VPS33A: variants seen among roughly 807,000 people sequenced by gnomAD.
VPS33A encodes the protein VPS33A core subunit of CORVET and HOPS complexes, also known as vacuolar protein sorting-associated protein 33A.
Under a neutral mutation model 71.8 loss-of-function variants are expected in VPS33A, and 32 were observed. That is an observed-to-expected ratio of 0.45 (90% confidence interval 0.34 to 0.60). The LOEUF (loss-of-function observed/expected upper bound fraction) is 0.60. VPS33A is among the 20% of genes least tolerant of loss of function. The probability of loss-of-function intolerance (pLI) is 0.02; values close to 1 mark genes in which losing one functional copy is unlikely to be tolerated. For synonymous variants in VPS33A, 311 were observed against 292.7 expected (o/e 1.06, Z -0.64); for missense variants, 625 against 748.5 (o/e 0.84, Z 1.92).
chr12:122,239,373 G>A (rs1954677760), intron 9 of VPS33A, among the ~76,000 whole-genome samples: 1 of 152,140 alleles, frequency 6.6e-6, no homozygotes, highest in Admixed American at 6.6e-5. Flanking sequence ...AAAGTGTCTT[G>A]CACAGAATAA....
chr12:122,247,080 A>C (rs1020864606), intron 6 of VPS33A, among the ~76,000 whole-genome samples: 8 of 152,210 alleles, frequency 5.3e-5, no homozygotes, highest in South Asian at 4.1e-4. Flanking sequence ...CAATATTAAC[A>C]GTGGTTGTCC....
In VPS33A at chr12:122,232,313, A is replaced by G. The variant is rs374700952; in HGVS notation, c.1724T>C (p.Val575Ala). 3 of 1,614,084 alleles carry G rather than the reference A, an allele frequency of 1.9e-6. No individual in the cohort carries two copies. In the African/African-American group the frequency reaches 4.0e-5, roughly 22 times the overall value. The change falls in exon 13 of 13, where the codon GTC (valine) becomes GCC (alanine). Residue 575 changes from valine (V) to alanine (A), a missense_variant. Physicochemically the swap from Val to Ala is moderately conservative, Grantham distance 64. Transcript: ENST00000267199. ...SQLEDGGTEY[V>A]IATTKLMNGT... is the part of the protein sequence containing the mutation. ...ATTCATTAGTTTAGTGGTGGCAATGACATATTCTGTACCTCCATCTTCCAA... is the reference window on the plus strand; with the variant it reads ...ATTCATTAGTTTAGTGGTGGCAATGGCATATTCTGTACCTCCATCTTCCAA...
In VPS33A at chr12:122,251,038, A is replaced by G; in HGVS notation, c.545T>C (p.Leu182Pro). 4 of 1,614,144 alleles carry G rather than the reference A, an allele frequency of 2.5e-6. No homozygotes were observed. Among genetic ancestry groups the G allele is most frequent in the Non-Finnish European group, 3.4e-6 (4 of 1,180,018 alleles). ...GGGGATCGTTCCATACAGAGCTTGC[A>G]GGGTCATCAGCCCCTTGGCTGCGTG... Reference protein sequence around the residue: ...LYHAAKGLMTLQALYGTIPQI... With the variant: ...LYHAAKGLMTPQALYGTIPQI... The change falls in exon 5 of 13, where the codon CTG (leucine) becomes CCG (proline). Residue 182 changes from leucine (L) to proline (P), a missense_variant. Physicochemically the swap from Leu to Pro is moderately conservative, Grantham distance 98 (BLOSUM62 -3). Transcript: ENST00000267199.
rs1327864397 is a variant in VPS33A at position 122,232,100 on chromosome 12, G to T, written c.*146C>A. On this transcript the variant is annotated 3_prime_UTR_variant, in exon 13 of 13. Coordinates refer to ENST00000267199, the MANE Select transcript of VPS33A (RefSeq NM_022916.6). ...GAATACAAAAGAGACGGAGAAAGCA[G>T]TAAACAGTAGTATAATTTAAGAAGC... 2.8e-6 allele frequency: 2 copies of T among 725,626 alleles called. No homozygotes were observed. The highest frequency in any genetic ancestry group is 4.3e-6 in the Non-Finnish European group (2 of 462,786). 44.9% of individuals were successfully genotyped at this position (725,626 alleles called of 1,614,324 possible).
intron 8 of VPS33A, among the ~76,000 whole-genome samples, chr12:122,240,517 A>G (rs1954699929): frequency 2.0e-5 from 3 of 152,356 alleles, no homozygotes; most frequent in Non-Finnish European, 4.4e-5. Context: ...AATGAGCGTC[A>G]GTATGAATGA....
rs139257467 is a variant in VPS33A, at chr12:122,256,929, T to C, written c.483+4332A>G. On this transcript the variant is annotated intron_variant, in intron 4 of 12. Transcript: ENST00000267199. ...AAATGAGAATAAACAAGTATTGCCA[T>C]ACGTGGTAGAAAATGACTCAGAGAT... Among the ~76,000 whole-genome samples, 144 of 152,282 alleles carry C rather than the reference T, an allele frequency of 9.5e-4. 1 individual carries two copies. The highest frequency in any genetic ancestry group is 3.3e-3 in the African/African-American group (137 of 41,514).
chr12:122,231,739 G>T lies in VPS33A; in HGVS notation c.*507C>A. The T allele has an allele frequency of 5.5e-6, 1 of 180,218 alleles. No individual in the cohort carries two copies. 11.2% of individuals were successfully genotyped at this position (180,218 alleles called of 1,614,324 possible). On this transcript the variant is annotated 3_prime_UTR_variant, in exon 13 of 13. Transcript: ENST00000267199. ...AACCAGTGCTGCTTTTACTCAGGTT[G>T]ATTTTCTTCTATTCTTCTTTCTTCA...
At chr12:122,262,997 T>TC (rs1322580090) in intron 3 of VPS33A, among the ~76,000 whole-genome samples, 1 of 150,074 alleles carries the variant, frequency 6.7e-6, no homozygotes, top group Non-Finnish European at 1.5e-5. Context: ...CACTCTTTTT[T>TC]TTTTTTTTTT....
Position 122,262,822 on chromosome 12 carries a change from CCTCT to C in VPS33A, c.296+746_296+749del, listed in dbSNP as rs759912953. On this transcript the variant is annotated intron_variant, in intron 3 of 12. Transcript: ENST00000267199. ...GACAACAACTTCCTAAGTTTCTCATCCTCTCTATTTTTAATTTTTGGGGGGTACA... is the reference window on the plus strand; with the variant it reads ...GACAACAACTTCCTAAGTTTCTCATCCTATTTTTAATTTTTGGGGGGTACA... Among the ~76,000 whole-genome samples the C allele has an allele frequency of 1.0e-3, 152 of 151,916 alleles. 1 individual carries two copies. The highest frequency in any genetic ancestry group is 3.5e-3 in the Admixed American group (53 of 15,234).
At chr12:122,243,501 A>T (rs1356932979) in intron 7 of VPS33A, among the ~76,000 whole-genome samples, 1 of 152,222 alleles carries the variant, frequency 6.6e-6, no homozygotes, top group Non-Finnish European at 1.5e-5. Flanking sequence ...AGCCTCCGAC[A>T]GTGCCGGGAT....
intron 3 of VPS33A, among the ~76,000 whole-genome samples, chr12:122,262,284 G>C (rs1955005540): frequency 6.6e-6 from 1 of 152,182 alleles, no homozygotes; most frequent in African/African-American, 2.4e-5. Flanking sequence ...GCATCACTGA[G>C]TCCTGGCGAG....
chr12:122,241,490 A>T (rs957528537), intron 8 of VPS33A, among the ~76,000 whole-genome samples: 3 of 152,096 alleles, frequency 2.0e-5, no homozygotes, highest in African/African-American at 4.8e-5. Flanking sequence ...TTTTTAGTAC[A>T]GATGGTGTTC....
chr12:122,239,697 C>G (rs936566721), intron 9 of VPS33A, among the ~76,000 whole-genome samples, 181 bp downstream of exon 9: 3 of 132,650 alleles, frequency 2.3e-5, no homozygotes, highest in Non-Finnish European at 3.1e-5. Context: ...CGCCACTGCA[C>G]TCCAGCCTGG....
intron 3 of VPS33A, among the ~76,000 whole-genome samples, chr12:122,263,058 T>C (rs1421762060): frequency 6.7e-6 from 1 of 150,154 alleles, no homozygotes; most frequent in Non-Finnish European, 1.5e-5. Context: ...AGTGGCGCGA[T>C]CTCAGCTCAC....
chr12:122,249,870 C>A lies in VPS33A; in HGVS notation c.775+1G>T, dbSNP rs1954820891. ...AGTGAAAACAGATGTCATGTACTTACTGTTCTGAATGCCATAAATTTCATC... is the reference window on the plus strand; with the variant it reads ...AGTGAAAACAGATGTCATGTACTTAATGTTCTGAATGCCATAAATTTCATC... On this transcript the variant is annotated splice_donor_variant, in intron 6 of 12. Transcript: ENST00000267199. LOFTEE classifies it high-confidence loss of function. 6.2e-7 allele frequency: 1 copy of A among 1,611,316 alleles called. No individual in the cohort carries two copies. The highest frequency in any genetic ancestry group is 8.5e-7 in the Non-Finnish European group (1 of 1,179,094).
chr12:122,239,749 CAAAAAAAAAAAAAAA>C (rs5801475), intron 9 of VPS33A, 114 bp downstream of exon 9: 1,761 of 197,478 alleles, frequency 8.9e-3, no homozygotes, highest in Middle Eastern at 0.013. Flanking sequence ...GACTCCGTCT[CAAAAAAAAAAAAAAA>C]AAAAAAAAAA....
intron 4 of VPS33A, among the ~76,000 whole-genome samples, chr12:122,255,573 C>T (rs1238112601): frequency 2.6e-5 from 4 of 151,988 alleles, no homozygotes; most frequent in East Asian, 1.9e-4. Context: ...GGTGCAGTGG[C>T]GGGCACCTGT....
At position 122,244,746 on chromosome 12, in the gene VPS33A, A is replaced by G. The variant is rs1402941202; in HGVS notation, c.792T>C (p.Pro264=). ...GTTTCTTAGGTGCAAATTTCTCTGG[A>G]GGTAATTTCACATAACCTGAGCAGC... The part of the protein sequence containing the change: ...YGIQNSYVKL[P]PEKFAPKKQG... Residue 264 remains proline, a synonymous_variant, in exon 7 of 13, where the codon CCT becomes CCC. Coordinates refer to ENST00000267199, the MANE Select transcript of VPS33A (RefSeq NM_022916.6). The G allele has an allele frequency of 1.2e-6, 2 of 1,613,356 alleles. No individual in the cohort carries two copies. The highest frequency in any genetic ancestry group is 2.7e-5 in the African/African-American group (2 of 74,882).
chr12:122,232,111 T>C lies in VPS33A; in HGVS notation c.*135A>G, dbSNP rs1430950988. The C allele has an allele frequency of 1.2e-6, 1 of 818,580 alleles. No homozygotes were observed. Among genetic ancestry groups the C allele is most frequent in the African/African-American group, 1.8e-5 (1 of 56,644 alleles). The allele number at this position is 818,580 out of a possible 1,614,324, so 50.7% of individuals were successfully genotyped here. On this transcript the variant is annotated 3_prime_UTR_variant, in exon 13 of 13. Coordinates refer to ENST00000267199, the MANE Select transcript of VPS33A (RefSeq NM_022916.6). The stretch of plus-strand genomic sequence containing the variant: ...AGACGGAGAAAGCAGTAAACAGTAG[T>C]ATAATTTAAGAAGCTGACCCCAGAA...
Sources: allele counts gnomAD v4.1 joint callset (sites outside exome capture counted in the v4.1 genomes callset), GRCh38; gene constraint gnomAD v4.1.1; transcripts MANE v1.5; gene names NCBI Gene and HGNC (gene_info 2026-07-23, HGNC 2026-07-21).